Variants in SCN9A observed in about 807,000 individuals in gnomAD.
SCN9A encodes sodium channel protein type 9 subunit alpha.
Under a neutral mutation model 187.0 loss-of-function variants are expected in SCN9A, and 131 were observed. The observed-to-expected ratio is 0.70, with a 90% CI of 0.61 to 0.81. The LOEUF (loss-of-function observed/expected upper bound fraction) is 0.81. Ranked by LOEUF, SCN9A falls within the 30% of genes least tolerant of loss-of-function variation. The pLI, the probability that SCN9A is intolerant of heterozygous loss-of-function variation, is 0.00. For missense variants in SCN9A, 2,252 were observed against 2,396.6 expected (o/e 0.94, Z 1.26); for synonymous variants, 809 against 808.6 (o/e 1.00, Z -0.01).
At chr2:166,321,019 C>T (rs1232526234) in intron 1 of SCN9A, among the ~76,000 whole-genome samples, 3 of 152,076 alleles carry the variant, frequency 2.0e-5, no homozygotes, top group South Asian at 2.1e-4. Context: ...AAAATACTAA[C>T]GTGAACCCTC....
At chr2:166,283,665 A>C (rs945647798) in intron 12 of SCN9A, among the ~76,000 whole-genome samples, 1 of 152,152 alleles carries the variant, frequency 6.6e-6, no homozygotes, top group Admixed American at 6.5e-5. Context: ...CTTGCATTTC[A>C]GATATTTTGT....
intron 18 of SCN9A, among the ~76,000 whole-genome samples, chr2:166,243,290 C>A (rs964700330): frequency 2.0e-5 from 3 of 152,006 alleles, no homozygotes; most frequent in African/African-American, 4.8e-5. Context: ...CATTCATTAA[C>A]GCATTCTTTT....
At chr2:166,354,541 C>A (rs1308785965) in intron 1 of SCN9A, among the ~76,000 whole-genome samples, 1 of 152,134 alleles carries the variant, frequency 6.6e-6, no homozygotes, top group Non-Finnish European at 1.5e-5. Flanking sequence ...TTCACCAGTA[C>A]TTAAGCACCT....
chr2:166,370,192 A>T (rs1464040102), intron 1 of SCN9A, among the ~76,000 whole-genome samples: 1 of 141,406 alleles, frequency 7.1e-6, no homozygotes, highest in Admixed American at 7.3e-5. Flanking sequence ...CCCCCAGTTA[A>T]AATAATAATA....
At chr2:166,355,480 T>G (rs1046715946) in intron 1 of SCN9A, among the ~76,000 whole-genome samples, 6 of 152,110 alleles carry the variant, frequency 3.9e-5, no homozygotes, top group Non-Finnish European at 7.4e-5. Flanking sequence ...TATTGAAATA[T>G]TCATTATTTT....
chr2:166,280,590 C>T lies in SCN9A; in HGVS notation c.2110G>A (p.Glu704Lys), dbSNP rs1395426609. 6.4e-7 allele frequency: 1 copy of T among 1,562,810 alleles called. No individual in the cohort carries two copies. Among genetic ancestry groups the T allele is most frequent in the Non-Finnish European group, 8.7e-7 (1 of 1,149,896 alleles). Residue 704 changes from glutamate to lysine, a missense_variant, in exon 14 of 27, where the codon GAA (glutamate) becomes AAA (lysine). Physicochemically the swap from Glu to Lys is moderately conservative, Grantham distance 56. Transcript: ENST00000642356. ...SILTNTVEEL[E>K]ESRQKCPPWW... Reference sequence around the variant, plus strand: ...GGTGGACATTTTTGTCTGGACTCTTCAAGTTCTGGGAGAAAAAAGCAGAGA... The same window carrying T: ...GGTGGACATTTTTGTCTGGACTCTTTAAGTTCTGGGAGAAAAAAGCAGAGA...
intron 17 of SCN9A, among the ~76,000 whole-genome samples, chr2:166,255,853 C>T (rs1039884768): frequency 6.6e-6 from 1 of 151,368 alleles, no homozygotes; most frequent in African/African-American, 2.4e-5. Flanking sequence ...GTAAACTAAG[C>T]TCCATTATCT....
intron 18 of SCN9A, among the ~76,000 whole-genome samples, chr2:166,244,977 CAAAAATT>C (rs145930165): frequency 0.012 from 1,874 of 152,066 alleles, 41 homozygotes; most frequent in African/African-American, 0.042. Context: ...CTGAATAGCA[CAAAAATT>C]AAAAAATATC....
intron 24 of SCN9A, 150 bp downstream of exon 24, chr2:166,226,417 G>A (rs1694842175): frequency 3.5e-6 from 2 of 568,142 alleles, no homozygotes; most frequent in South Asian, 6.0e-5. Context: ...AAGCATATTT[G>A]TAATTGTATA....
chr2:166,197,893 T>C lies in SCN9A; in HGVS notation c.*779A>G. On this transcript the variant is annotated 3_prime_UTR_variant, in exon 27 of 27. Transcript: ENST00000642356. ...TCTTTGTTTTTTTTGAGGAGTGTAATATGTACTTAGAATAATTTTTCAAGT... is the reference window on the plus strand; with the variant it reads ...TCTTTGTTTTTTTTGAGGAGTGTAACATGTACTTAGAATAATTTTTCAAGT... 1 of 150,794 alleles carries C rather than the reference T, an allele frequency of 6.6e-6. No homozygotes were observed. Among genetic ancestry groups the C allele is most frequent in the East Asian group, 1.9e-4 (1 of 5,204 alleles). 9.3% of individuals were successfully genotyped at this position (150,794 alleles called of 1,614,324 possible).
At position 166,278,240 on chromosome 2, in the gene SCN9A, A is replaced by G. The variant is rs1174260601; in HGVS notation, c.2417T>C (p.Val806Ala). Residue 806 changes from valine to alanine, a missense_variant, in exon 15 of 27, where the codon GTA (valine) becomes GCA (alanine). Physicochemically the swap from Val to Ala is moderately conservative, Grantham distance 64 (BLOSUM62 0). Around this residue, in one of 7 missense-constraint regions of SCN9A, gnomAD observed 1,013 missense variants for 997.4 expected, o/e 1.02. Coordinates refer to ENST00000642356, the MANE Select transcript of SCN9A (RefSeq NM_001365536.1). ...AAGGCTGTCAAAAATATTCCAGCCT[A>G]CTTGGAAATACTCATATGGATCCAT... ...IAMDPYEYFQ[V>A]GWNIFDSLIV... The G allele has an allele frequency of 1.9e-6, 3 of 1,612,466 alleles. No homozygotes were observed. The highest frequency in any genetic ancestry group is 2.5e-6 in the Non-Finnish European group (3 of 1,179,198).
rs1693379308 is a variant in SCN9A at position 166,199,552 on chromosome 2, G to A, written c.5087C>T (p.Thr1696Ile). The A allele has an allele frequency of 6.2e-7, 1 of 1,614,070 alleles. No homozygotes were observed. The highest frequency in any genetic ancestry group is 1.3e-5 in the African/African-American group (1 of 74,926). ...NSMICLFQIT[T>I]SAGWDGLLAP... is the part of the protein sequence containing the mutation. ...TAGCAATCCATCCCAGCCAGCAGAG[G>A]TTGTAATTTGGAACAGGCAAATCAT... Residue 1696 changes from threonine to isoleucine, a missense_variant, in exon 27 of 27, where the codon ACC becomes ATC. Physicochemically the swap from Thr to Ile is moderately conservative, Grantham distance 89. Around this residue, in one of 7 missense-constraint regions of SCN9A, gnomAD observed 84 missense variants for 134.2 expected, o/e 0.63. Transcript: ENST00000642356.
rs1394718864 is a variant in SCN9A, at chr2:166,226,496, TTTACA to T, written c.4398+66_4398+70del. On this transcript the variant is annotated intron_variant, in intron 24 of 26. Coordinates refer to ENST00000642356, the MANE Select transcript of SCN9A (RefSeq NM_001365536.1). ...ATCATGAATTGATATCAAATTAAACTTTACATTATCTTTTTTGGAAAATAATTGTT... is the reference window on the plus strand; with the variant it reads ...ATCATGAATTGATATCAAATTAAACTTTATCTTTTTTGGAAAATAATTGTT... The T allele has an allele frequency of 9.9e-6, 11 of 1,112,682 alleles. No homozygotes were observed. In the South Asian group the frequency reaches 1.7e-4, roughly 17 times the overall value. 68.9% of individuals were successfully genotyped at this position (1,112,682 alleles called of 1,614,324 possible).
intron 1 of SCN9A, among the ~76,000 whole-genome samples, chr2:166,356,018 G>A (rs972809374): frequency 6.6e-5 from 10 of 152,086 alleles, no homozygotes; most frequent in South Asian, 4.1e-4. Context: ...TGATCTGCCC[G>A]CCTTGGCCTC....
At chr2:166,277,500 A>T (rs1251606949) in intron 15 of SCN9A, among the ~76,000 whole-genome samples, 161 bp from the exon 16 acceptor site, 2 of 152,078 alleles carry the variant, frequency 1.3e-5, no homozygotes, top group African/African-American at 4.8e-5. Context: ...TCAATTTTCA[A>T]TATCTCTGTT....
chr2:166,199,187 G>A lies in SCN9A; in HGVS notation c.5452C>T (p.Pro1818Ser). 1 of 1,614,150 alleles carries A rather than the reference G, an allele frequency of 6.2e-7. No homozygotes were observed. The highest frequency in any genetic ancestry group is 8.5e-7 in the Non-Finnish European group (1 of 1,180,026). ...ALDPPLLIAK[P>S]NKVQLIAMDL... ...ATGGCAATGAGCTGGACTTTGTTGG[G>A]TTTTGCTATGAGAAGAGGAGGATCC... Residue 1818 changes from proline to serine, a missense_variant, in exon 27 of 27, where the codon CCC becomes TCC. Pro to Ser is a moderately conservative substitution (Grantham distance 74). This residue lies in a region of SCN9A where 345 missense variants were observed against 344.6 expected (regional missense o/e 1.00). Coordinates refer to ENST00000642356, the MANE Select transcript of SCN9A (RefSeq NM_001365536.1).
At chr2:166,253,055 A>G (rs1378431277) in intron 17 of SCN9A, among the ~76,000 whole-genome samples, 3 of 151,912 alleles carry the variant, frequency 2.0e-5, no homozygotes, top group African/African-American at 4.8e-5. Flanking sequence ...TTGATTCTCA[A>G]TCTATGAATT....
At chr2:166,239,642 C>T (rs1268520850) in intron 19 of SCN9A, among the ~76,000 whole-genome samples, 1 of 152,104 alleles carries the variant, frequency 6.6e-6, no homozygotes, top group African/African-American at 2.4e-5. Context: ...GATTTTCCTC[C>T]CCTCCACTCC....
At chr2:166,341,802 T>G (rs1418577893) in intron 1 of SCN9A, among the ~76,000 whole-genome samples, 1 of 152,214 alleles carries the variant, frequency 6.6e-6, no homozygotes, top group Admixed American at 6.5e-5. Flanking sequence ...ATTATTTTCT[T>G]AATTGCTTTT....
Sources: allele counts gnomAD v4.1 joint callset (sites outside exome capture counted in the v4.1 genomes callset), GRCh38; gene constraint gnomAD v4.1.1; regional missense constraint gnomAD v4.1.1; transcripts MANE v1.5; gene names NCBI Gene and HGNC (gene_info 2026-07-23, HGNC 2026-07-21).